YPEL1: variants seen among roughly 807,000 people sequenced by gnomAD.
The protein encoded by YPEL1 is yippee like 1, also known as protein yippee-like 1.
Under a neutral mutation model 17.3 loss-of-function variants are expected in YPEL1, and 7 were observed. The observed-to-expected ratio is 0.40, with a 90% CI of 0.23 to 0.76. The LOEUF is 0.76. Ranked by LOEUF, YPEL1 falls within the 30% of genes least tolerant of loss-of-function variation. YPEL1 has a pLI of 0.35. For missense variants in YPEL1, 91 were observed against 155.5 expected, an observed-to-expected ratio of 0.59 and a Z score of 2.21; for synonymous variants, 59 against 59.6, an observed-to-expected ratio of 0.99 and a Z score of 0.05.
Position 21,703,386 on chromosome 22 carries a change from G to A in YPEL1, c.254C>T (p.Thr85Met), listed in dbSNP as rs779788033. Residue 85 changes from threonine to methionine, a missense_variant, in exon 4 of 5, where the codon ACG becomes ATG. Thr to Met is a moderately conservative substitution (Grantham distance 81). Transcript: ENST00000339468. The surrounding 1 kb of genome is among the most constrained non-coding windows in gnomAD (Gnocchi z 6.1). ...ADIYCENCKT[T>M]LGWKYEHAFE... is the part of the protein sequence containing the mutation. ...GGCACTCACGTATTTCCACCCGAGCGTGGTCTTGCAGTTCTCGCAGTAGAT... is the reference window on the plus strand; with the variant it reads ...GGCACTCACGTATTTCCACCCGAGCATGGTCTTGCAGTTCTCGCAGTAGAT... 1.2e-5 allele frequency: 20 copies of A among 1,613,368 alleles called. No homozygotes were observed. The East Asian group carries it at 1.3e-4, about 11-fold the overall frequency.
At chr22:21,708,590 T>C (rs1319103786) in intron 2 of YPEL1, among the ~76,000 whole-genome samples, 1 of 151,892 alleles carries the variant, frequency 6.6e-6, no homozygotes, top group East Asian at 1.9e-4. Flanking sequence ...TCCACCCATC[T>C]TGGCCTTCCA....
In YPEL1 at chr22:21,703,240, G is replaced by A. The variant is rs752594758; in HGVS notation, c.270+130C>T. ...CACTGGAGTCTGGACTTCCCACCTC[G>A]GCTGAGGAACTGGGGTTTCTGAAAG... On this transcript the variant is annotated intron_variant, in intron 4 of 4. Coordinates refer to ENST00000339468, the MANE Select transcript of YPEL1 (RefSeq NM_013313.5). This position sits in a 1 kb window ranked among gnomAD's most constrained non-coding sequence, Gnocchi z 6.1. 6.5e-5 allele frequency: 50 copies of A among 771,994 alleles called. No homozygotes were observed. Among genetic ancestry groups the A allele is most frequent in the Non-Finnish European group, 8.9e-5 (41 of 461,412 alleles). The allele number at this position is 771,994 out of a possible 1,614,324, so 47.8% of individuals were successfully genotyped here. A position where few individuals can be genotyped will look rare whatever the true frequency, so the allele number is the denominator to read the frequency against.
At chr22:21,717,031 ACC>A (rs2068230347) in intron 1 of YPEL1, among the ~76,000 whole-genome samples, 1 of 151,812 alleles carries the variant, frequency 6.6e-6, no homozygotes, top group African/African-American at 2.4e-5. Flanking sequence ...AAAAGAGAAT[ACC>A]TACACTGAAG....
chr22:21,722,036 C>T (rs879870871), intron 1 of YPEL1, among the ~76,000 whole-genome samples: 1 of 152,164 alleles, frequency 6.6e-6, no homozygotes, highest in Non-Finnish European at 1.5e-5. Context: ...CATGTTGTTG[C>T]CTACTACAGA....
In YPEL1 at chr22:21,703,616, T is replaced by C; in HGVS notation, c.162-138A>G. ...CTCCCAGAGAGCAGTGCCGTGCCTC[T>C]CCCCCAGCCCTGCCCGCCACCACCA... On this transcript the variant is annotated intron_variant, in intron 3 of 4. Transcript: ENST00000339468. The surrounding 1 kb of genome is among the most constrained non-coding windows in gnomAD (Gnocchi z 6.1). The C allele has an allele frequency of 2.4e-6, 2 of 836,742 alleles. No individual in the cohort carries two copies. Among genetic ancestry groups the C allele is most frequent in the Admixed American group, 5.0e-5 (2 of 40,144 alleles). 51.8% of individuals were successfully genotyped at this position (836,742 alleles called of 1,614,324 possible). A position where few individuals can be genotyped will look rare whatever the true frequency, so the allele number is the denominator to read the frequency against.
chr22:21,732,318 T>C (rs772443017), intron 1 of YPEL1, among the ~76,000 whole-genome samples: 2 of 152,202 alleles, frequency 1.3e-5, no homozygotes, highest in Non-Finnish European at 2.9e-5. Context: ...TCCCACTCCC[T>C]AGAGCTTTCA....
chr22:21,729,754 A>T (rs1178619575), intron 1 of YPEL1, among the ~76,000 whole-genome samples: 1 of 152,244 alleles, frequency 6.6e-6, no homozygotes, highest in Non-Finnish European at 1.5e-5. Flanking sequence ...GCTGATGCAC[A>T]TGTGCAAAAT....
In YPEL1 at chr22:21,703,632, G is replaced by A. The variant is rs966914233; in HGVS notation, c.162-154C>T. 6.7e-6 allele frequency among the ~76,000 whole-genome samples: 1 copy of A among 149,860 alleles called. No homozygotes were observed. Among genetic ancestry groups the A allele is most frequent in the Non-Finnish European group, 1.5e-5 (1 of 67,406 alleles). ...CCGTGCCTCTCCCCCAGCCCTGCCC[G>A]CCACCACCATCAATGGGAAAGATCA... is the stretch of plus-strand genomic sequence containing the variant. On this transcript the variant is annotated intron_variant, in intron 3 of 4. Transcript: ENST00000339468. The surrounding 1 kb of genome is among the most constrained non-coding windows in gnomAD (Gnocchi z 6.1).
intron 1 of YPEL1, among the ~76,000 whole-genome samples, chr22:21,720,039 G>A (rs1352601901): frequency 8.6e-5 from 13 of 150,588 alleles, no homozygotes; most frequent in Middle Eastern, 3.4e-3. Flanking sequence ...TTAGCCAGGC[G>A]TGGTGGTGAG....
intron 1 of YPEL1, among the ~76,000 whole-genome samples, chr22:21,719,713 C>T (rs935960851): frequency 3.9e-5 from 6 of 151,910 alleles, no homozygotes; most frequent in African/African-American, 4.8e-5. Context: ...GGCGAAACCC[C>T]GTCTCTATTG....
chr22:21,715,097 CAT>C, intron 1 of YPEL1, among the ~76,000 whole-genome samples: 1 of 152,166 alleles, frequency 6.6e-6, no homozygotes, highest in Admixed American at 6.5e-5. Flanking sequence ...ATGGATATGC[CAT>C]ATACACACAC....
intron 1 of YPEL1, among the ~76,000 whole-genome samples, chr22:21,719,829 C>G (rs1312926877): frequency 2.0e-5 from 3 of 152,010 alleles, no homozygotes; most frequent in Non-Finnish European, 2.9e-5. Context: ...AGTTCAAGAC[C>G]AGCCTGGCCA....
chr22:21,706,362 G>C (rs911653481), intron 2 of YPEL1, among the ~76,000 whole-genome samples: 1 of 151,240 alleles, frequency 6.6e-6, no homozygotes, highest in African/African-American at 2.4e-5. Flanking sequence ...CGGGACCCGG[G>C]AGGCAGAGGT....
At chr22:21,712,404 TCAAA>T (rs1231265346) in intron 1 of YPEL1, among the ~76,000 whole-genome samples, 14 of 117,762 alleles carry the variant, frequency 1.2e-4, no homozygotes, top group African/African-American at 3.3e-4. Context: ...ACTCAGCAAA[TCAAA>T]CAAACAGGTT....
At chr22:21,733,958 T>C (rs78980898) in intron 1 of YPEL1, among the ~76,000 whole-genome samples, 2,211 of 152,252 alleles carry the variant, frequency 0.015, 49 homozygotes, top group African/African-American at 0.049. Context: ...CTCAAGCCTG[T>C]AATCCCAACA....
chr22:21,713,641 G>A (rs2068193018), intron 1 of YPEL1, among the ~76,000 whole-genome samples: 1 of 152,192 alleles, frequency 6.6e-6, no homozygotes, highest in Non-Finnish European at 1.5e-5. Flanking sequence ...GAATTCTGGA[G>A]GTTGGAGGGT....
chr22:21,719,945 G>A (rs887991205), intron 1 of YPEL1, among the ~76,000 whole-genome samples: 1 of 151,310 alleles, frequency 6.6e-6, no homozygotes, highest in African/African-American at 2.4e-5. Context: ...CTGGGGGGCG[G>A]AGGTTGCAGG....
chr22:21,702,332 A>G (rs541260617), intron 4 of YPEL1, among the ~76,000 whole-genome samples: 67 of 152,256 alleles, frequency 4.4e-4, no homozygotes, highest in African/African-American at 1.6e-3. Context: ...TGACCAGGGG[A>G]AGGGCTAGGG....
chr22:21,705,395 G>A (rs1218118073), intron 2 of YPEL1, among the ~76,000 whole-genome samples: 2 of 152,162 alleles, frequency 1.3e-5, no homozygotes, highest in Non-Finnish European at 2.9e-5. Flanking sequence ...CATGATGTAC[G>A]CTGTCAGATT....
Sources: gnomAD v4.1 joint callset for allele counts (sites outside exome capture counted in the v4.1 genomes callset) on GRCh38, gnomAD v4.1.1 for gene constraint, Gnocchi (gnomAD v3.1) non-coding constraint, MANE v1.5 for transcripts, NCBI Gene and HGNC (gene_info 2026-07-23, HGNC 2026-07-21) for gene names.